Variants in JPH2 observed in about 807,000 individuals in gnomAD.
The protein encoded by JPH2 is junctophilin 2.
Under a neutral mutation model 55.9 loss-of-function variants are expected in JPH2, and 38 were observed. That is an observed-to-expected ratio of 0.68 (90% CI 0.52 to 0.89). JPH2 has a LOEUF of 0.89. JPH2 is among the 40% of genes least tolerant of loss of function. JPH2 has a pLI of 0.00. For synonymous variants in JPH2, 480 were observed against 472.4 expected (o/e 1.02, Z -0.21); for missense variants, 964 against 1,037.6 (o/e 0.93, Z 0.97).
chr20:44,115,631 C>G, intron 4 of JPH2, 34 bp downstream of exon 4: 9 of 1,611,874 alleles, frequency 5.6e-6, no homozygotes, highest in Non-Finnish European at 7.6e-6. Context: ...TCTAGGGAAC[C>G]CGACCTTAGG....
At chr20:44,126,168 G>GGAAGGAAGGAAGGAAGGAAGGA (rs1555854537) in intron 2 of JPH2, among the ~76,000 whole-genome samples, 1 of 36,332 alleles carries the variant, frequency 2.8e-5, no homozygotes, top group Admixed American at 3.7e-4. Flanking sequence ...GGGAGGGAGG[G>GGAAGGAAGGAAGGAAGGAAGGA]AGGAAGGAAG....
intron 5 of JPH2, 85 bp downstream of exon 5, chr20:44,114,697 T>G: frequency 1.1e-6 from 1 of 935,324 alleles, no homozygotes; most frequent in South Asian, 1.4e-5. Context: ...AAGTACCGAG[T>G]AGGTCCCTCC....
Position 44,159,500 on chromosome 20 carries a change from G to C in JPH2, c.1169+118C>G. 1 of 1,057,974 alleles carries C rather than the reference G, an allele frequency of 9.5e-7. No individual in the cohort carries two copies. The allele number at this position is 1,057,974 out of a possible 1,614,324, so 65.5% of individuals were successfully genotyped here. A position where few individuals can be genotyped will look rare whatever the true frequency, so the allele number is the denominator to read the frequency against. On this transcript the variant is annotated intron_variant, in intron 2 of 5. Coordinates refer to ENST00000372980, the MANE Select transcript of JPH2 (RefSeq NM_020433.5). This position sits in a 1 kb window ranked among gnomAD's most constrained non-coding sequence, Gnocchi z 5.7. ...AAGAGCCTCCAATTAACCCCTGAAG[G>C]TGATGGGGGTAAAAGAAGCAGAATC...
At chr20:44,177,740 T>G in intron 1 of JPH2, 1 of 1,409,700 alleles carries the variant, frequency 7.1e-7, no homozygotes, top group Non-Finnish European at 9.3e-7. Context: ...CGAATCAAAG[T>G]CTTGTCTTAT....
Position 44,134,664 on chromosome 20 carries a change from A to ATT in JPH2, c.1170-16042_1170-16041insAA, listed in dbSNP as rs1157047177. Reference sequence around the variant, plus strand: ...ATATAAATATTTATTATAAATATATATAAATATATATTTATAAATATTATA... The same window carrying ATT: ...ATATAAATATTTATTATAAATATATATTTAAATATATATTTATAAATATTATA... On this transcript the variant is annotated intron_variant, in intron 2 of 5. Coordinates refer to ENST00000372980, the MANE Select transcript of JPH2 (RefSeq NM_020433.5). Among the ~76,000 whole-genome samples the ATT allele has an allele frequency of 3.2e-3, 24 of 7,522 alleles. 1 individual carries two copies. Among genetic ancestry groups the ATT allele is most frequent in the Admixed American group, 0.011 (3 of 280 alleles). The allele number at this position is 7,522 out of a possible 152,430, so 4.9% of individuals were successfully genotyped here.
chr20:44,112,544 TG>T lies in JPH2; in HGVS notation c.*973del, dbSNP rs1254631819. 6.6e-6 allele frequency: 1 copy of T among 152,164 alleles called. No homozygotes were observed. The highest frequency in any genetic ancestry group is 2.4e-5 in the African/African-American group (1 of 41,430). The allele number at this position is 152,164 out of a possible 1,614,324, so 9.4% of individuals were successfully genotyped here. A position where few individuals can be genotyped will look rare whatever the true frequency, so the allele number is the denominator to read the frequency against. On this transcript the variant is annotated 3_prime_UTR_variant, in exon 6 of 6. Coordinates refer to ENST00000372980, the MANE Select transcript of JPH2 (RefSeq NM_020433.5). Reference sequence around the variant, plus strand: ...TGTCTTCAACACCTGCCTTAGTGTCTGCCCCAGGGACATCTCCCTGGGCTTC... The same window carrying T: ...TGTCTTCAACACCTGCCTTAGTGTCTCCCCAGGGACATCTCCCTGGGCTTC...
intron 2 of JPH2, among the ~76,000 whole-genome samples, chr20:44,150,493 C>A (rs886766327): frequency 6.6e-6 from 1 of 152,158 alleles, no homozygotes; most frequent in Admixed American, 6.5e-5. Flanking sequence ...AAAATCCCAG[C>A]GGCCTTTTTT....
At chr20:44,161,619 T>C (rs947636484) in intron 1 of JPH2, among the ~76,000 whole-genome samples, 21 of 152,088 alleles carry the variant, frequency 1.4e-4, no homozygotes, top group African/African-American at 5.1e-4. Context: ...AATGAGTTAA[T>C]GTCTCCGAAA....
intron 2 of JPH2, among the ~76,000 whole-genome samples, chr20:44,121,390 C>T (rs1043756907): frequency 7.9e-5 from 12 of 152,062 alleles, no homozygotes; most frequent in Admixed American, 5.2e-4. Context: ...GAGAACTGGG[C>T]GCACGGTAAG....
At chr20:44,155,469 A>G (rs2072559168) in intron 2 of JPH2, among the ~76,000 whole-genome samples, 1 of 152,222 alleles carries the variant, frequency 6.6e-6, no homozygotes, top group African/African-American at 2.4e-5. Flanking sequence ...CAAATCTTCC[A>G]TACAGAGGAA....
intron 2 of JPH2, among the ~76,000 whole-genome samples, chr20:44,143,665 C>A (rs1355498067): frequency 6.6e-6 from 1 of 152,220 alleles, no homozygotes; most frequent in African/African-American, 2.4e-5. Context: ...CTGGCATCAC[C>A]TACCAGTAAA....
At chr20:44,165,291 G>GA (rs34785471) in intron 1 of JPH2, among the ~76,000 whole-genome samples, 45,020 of 144,698 alleles carry the variant, frequency 0.31, 7,185 homozygotes, top group African/African-American at 0.41. Context: ...AGCTTTTCAG[G>GA]AAAAAAAAAA....
chr20:44,133,097 T>C (rs948511294), intron 2 of JPH2, among the ~76,000 whole-genome samples: 1 of 73,222 alleles, frequency 1.4e-5, no homozygotes, highest in Non-Finnish European at 2.5e-5. Context: ...ATCACACCAT[T>C]TCCCTGTCCC....
intron 2 of JPH2, among the ~76,000 whole-genome samples, chr20:44,149,096 TAA>T (rs112752255): frequency 2.8e-5 from 4 of 141,690 alleles, no homozygotes; most frequent in Admixed American, 7.1e-5. Context: ...CTCCTCCAAT[TAA>T]AAAAAAAAAA....
At chr20:44,124,034 T>C (rs1479139653) in intron 2 of JPH2, among the ~76,000 whole-genome samples, 2 of 152,130 alleles carry the variant, frequency 1.3e-5, no homozygotes, top group Non-Finnish European at 2.9e-5. Context: ...CTGACCCTGC[T>C]TGGGGGAAGG....
intron 2 of JPH2, among the ~76,000 whole-genome samples, chr20:44,155,871 A>G (rs899156452): frequency 2.0e-5 from 3 of 152,116 alleles, no homozygotes; most frequent in Admixed American, 1.3e-4. Flanking sequence ...CCCCATCTCT[A>G]TTAAAAATAC....
In JPH2 at chr20:44,115,736, T is replaced by C; in HGVS notation, c.1939A>G (p.Lys647Glu). Residue 647 changes from lysine (K) to glutamate (E), a missense_variant, in exon 4 of 6, where the codon AAG (lysine) becomes GAG (glutamate). Transcript: ENST00000372980. ...ARKTEARGLT[K>E]AGAKKKARKE... The stretch of plus-strand genomic sequence containing the variant: ...CGCGCCTTCTTCTTGGCCCCCGCCT[T>C]GGTCAGCCCTCGAGCCTCAGTCTTG... 1.2e-6 allele frequency: 2 copies of C among 1,613,552 alleles called. No homozygotes were observed. The highest frequency in any genetic ancestry group is 1.3e-5 in the African/African-American group (1 of 75,058).
Position 44,170,138 on chromosome 20 carries a change from A to G in JPH2, c.380-9731T>C, listed in dbSNP as rs75322945. 6.7e-3 allele frequency among the ~76,000 whole-genome samples: 1,024 copies of G among 152,304 alleles called. 9 individuals carry two copies. The highest frequency in any genetic ancestry group is 0.023 in the African/African-American group (949 of 41,562). On this transcript the variant is annotated intron_variant, in intron 1 of 5. Transcript: ENST00000372980. Reference sequence around the variant, plus strand: ...GACTAGCTCCTTTCTAGGAGTCCCCATTGCCTATAGAAGTCCTTACCTGAT... The same window carrying G: ...GACTAGCTCCTTTCTAGGAGTCCCCGTTGCCTATAGAAGTCCTTACCTGAT...
rs13041770 is a variant in JPH2, at chr20:44,160,087, C to T, written c.700G>A (p.Glu234Lys). ...GALLGKLRRA[E>K]SRTSVGSQRS... ...TGGCTACCCACGGACGTGCGCGACT[C>T]TGCGCGCCGCAGCTTGCCCAGCAGC... The change falls in exon 2 of 6, where the codon GAG becomes AAG. Residue 234 changes from glutamate (E) to lysine (K), a missense_variant. By Grantham distance (56) the Glu-to-Lys change is moderately conservative. Coordinates refer to ENST00000372980, the MANE Select transcript of JPH2 (RefSeq NM_020433.5). The surrounding 1 kb of genome is among the most constrained non-coding windows in gnomAD (Gnocchi z 4.9). 1 of 1,532,124 alleles carries T rather than the reference C, an allele frequency of 6.5e-7. No homozygotes were observed. Among genetic ancestry groups the T allele is most frequent in the Non-Finnish European group, 8.7e-7 (1 of 1,144,452 alleles). 94.9% of individuals were successfully genotyped at this position (1,532,124 alleles called of 1,614,324 possible).
Sources: allele counts gnomAD v4.1 joint callset (sites outside exome capture counted in the v4.1 genomes callset), GRCh38; gene constraint gnomAD v4.1.1; non-coding constraint Gnocchi (gnomAD v3.1); transcripts MANE v1.5; gene names NCBI Gene and HGNC (gene_info 2026-07-23, HGNC 2026-07-21).